ACOXL: variants seen among roughly 807,000 people sequenced by gnomAD.
The protein encoded by ACOXL is acyl-CoA oxidase like.
In ACOXL, 70 loss-of-function variants were observed where a neutral mutation model predicts 71.9. The observed-to-expected ratio is 0.97, with a 90% CI of 0.80 to 1.19. ACOXL has a LOEUF of 1.19. ACOXL is among the 50% of genes most tolerant of loss of function. ACOXL has a pLI of 0.00. For missense variants in ACOXL, 703 were observed against 736.3 expected (o/e 0.95, Z 0.52); for synonymous variants, 253 against 281.6 (o/e 0.90, Z 1.02).
intron 13 of ACOXL, among the ~76,000 whole-genome samples, chr2:110,995,523 T>A (rs2063355443): frequency 2.4e-5 from 1 of 42,484 alleles, no homozygotes. Context: ...AAAAAAGAAT[T>A]GTATAATGAT....
intron 10 of ACOXL, among the ~76,000 whole-genome samples, chr2:110,842,889 G>C (rs894827271): frequency 6.6e-6 from 1 of 152,174 alleles, no homozygotes. Context: ...GTATGTTTCC[G>C]GTCCTATGAG....
chr2:110,968,549 T>A, intron 12 of ACOXL: 1 of 1,087,918 alleles, frequency 9.2e-7, no homozygotes, highest in Non-Finnish European at 1.4e-6. Flanking sequence ...ACGGAGGAGA[T>A]GTATAAGAAA....
At chr2:110,816,877 T>C (rs751871674) in intron 9 of ACOXL, among the ~76,000 whole-genome samples, 3 of 152,228 alleles carry the variant, frequency 2.0e-5, no homozygotes, top group Non-Finnish European at 4.4e-5. Flanking sequence ...TCAGCACAGA[T>C]TGGCCTCTCT....
At chr2:111,103,651 C>T (rs548954782) in intron 17 of ACOXL, among the ~76,000 whole-genome samples, 8 of 152,134 alleles carry the variant, frequency 5.3e-5, no homozygotes, top group African/African-American at 1.7e-4. Context: ...ATTTAGCAAG[C>T]TGCTATATAC....
chr2:110,794,289 G>T (rs911178011), intron 5 of ACOXL, 115 bp downstream of exon 5: 19 of 996,080 alleles, frequency 1.9e-5, no homozygotes, highest in Non-Finnish European at 2.8e-5. Flanking sequence ...CTGGCCCAGG[G>T]AGCTGAGATT....
At chr2:110,766,932 A>G (rs1681156469) in intron 1 of ACOXL, among the ~76,000 whole-genome samples, 1 of 151,732 alleles carries the variant, frequency 6.6e-6, no homozygotes, top group Non-Finnish European at 1.5e-5. Flanking sequence ...CTGCAAGACA[A>G]GAGGTGGAAG....
At chr2:110,845,307 A>G (rs1691683484) in intron 10 of ACOXL, among the ~76,000 whole-genome samples, 1 of 152,124 alleles carries the variant, frequency 6.6e-6, no homozygotes, top group South Asian at 2.1e-4. Flanking sequence ...AAGCCTCTTT[A>G]TAAGGGTCTT....
intron 10 of ACOXL, among the ~76,000 whole-genome samples, chr2:110,875,223 A>G (rs897799106): frequency 5.3e-5 from 8 of 152,184 alleles, no homozygotes; most frequent in African/African-American, 1.7e-4. Flanking sequence ...TGTAAATCTC[A>G]TAAGTGGAAA....
At chr2:110,916,130 T>A (rs1410688175) in intron 11 of ACOXL, among the ~76,000 whole-genome samples, 1 of 152,104 alleles carries the variant, frequency 6.6e-6, no homozygotes, top group Non-Finnish European at 1.5e-5. Context: ...TTCACTAATT[T>A]ATAAACTATA....
intron 16 of ACOXL, among the ~76,000 whole-genome samples, chr2:111,081,163 CT>C (rs2067894485): frequency 6.6e-6 from 1 of 152,138 alleles, no homozygotes; most frequent in Non-Finnish European, 1.5e-5. Flanking sequence ...ATTGGGAGTT[CT>C]GGCCAGGGCA....
At chr2:111,062,556 C>T (rs1384837932) in intron 16 of ACOXL, among the ~76,000 whole-genome samples, 1 of 152,004 alleles carries the variant, frequency 6.6e-6, no homozygotes, top group African/African-American at 2.4e-5. Flanking sequence ...TGGACTGTAA[C>T]ATGGAACATA....
chr2:110,967,901 G>A (rs539388726), intron 12 of ACOXL: 72 of 1,160,300 alleles, frequency 6.2e-5, no homozygotes, highest in South Asian at 6.2e-4. Flanking sequence ...TTTAGAAGAC[G>A]ACAAGAGGGT....
At chr2:110,949,026 T>C (rs1223660101) in intron 12 of ACOXL, among the ~76,000 whole-genome samples, 1 of 151,738 alleles carries the variant, frequency 6.6e-6, no homozygotes, top group Non-Finnish European at 1.5e-5. Flanking sequence ...GCCCTTTTGC[T>C]CCCTATACAA....
rs1176830818 is a variant in ACOXL, at chr2:110,919,407, G to T, written c.905+10502G>T. ...AACATCACACACCGGGGCCTGTTAGGGGGTGGGGGGGCAAGGGGAGGGATA... is the reference window on the plus strand; with the variant it reads ...AACATCACACACCGGGGCCTGTTAGTGGGTGGGGGGGCAAGGGGAGGGATA... On this transcript the variant is annotated intron_variant, in intron 11 of 17. Transcript: ENST00000439055. 2.6e-5 allele frequency among the ~76,000 whole-genome samples: 4 copies of T among 151,930 alleles called. No individual in the cohort carries two copies. The East Asian group carries it at 7.8e-4, about 29-fold the overall frequency.
At chr2:111,062,136 A>G (rs2066847550) in intron 16 of ACOXL, among the ~76,000 whole-genome samples, 1 of 152,130 alleles carries the variant, frequency 6.6e-6, no homozygotes, top group South Asian at 2.1e-4. Flanking sequence ...AAAATAACAC[A>G]TCATGCAAAT....
intron 14 of ACOXL, among the ~76,000 whole-genome samples, chr2:111,016,108 A>ATTT (rs34690566): frequency 0.048 from 7,175 of 149,794 alleles, 595 homozygotes; most frequent in African/African-American, 0.16. Flanking sequence ...AATTTTTTTA[A>ATTT]TTTTTTTTTT....
At chr2:110,918,743 A>G (rs576103131) in intron 11 of ACOXL, among the ~76,000 whole-genome samples, 1 of 152,380 alleles carries the variant, frequency 6.6e-6, no homozygotes, top group African/African-American at 2.4e-5. Flanking sequence ...TGGGTGAAGA[A>G]TATGAACAGA....
chr2:110,984,684 GAGTT>G (rs2062851147), intron 12 of ACOXL, among the ~76,000 whole-genome samples: 1 of 152,168 alleles, frequency 6.6e-6, no homozygotes, highest in Non-Finnish European at 1.5e-5. Flanking sequence ...TAGTTAGAGT[GAGTT>G]AGTTCTACCC....
intron 9 of ACOXL, among the ~76,000 whole-genome samples, chr2:110,829,866 G>A (rs1029355733): frequency 2.6e-5 from 4 of 152,230 alleles, no homozygotes. Context: ...TGTGTTTGGA[G>A]TGGGAGTGAG....
Sources: gnomAD v4.1 joint callset for allele counts (sites outside exome capture counted in the v4.1 genomes callset) on GRCh38, gnomAD v4.1.1 for gene constraint, MANE v1.5 for transcripts, NCBI Gene and HGNC (gene_info 2026-07-23, HGNC 2026-07-21) for gene names.